Variants in WEE2 observed in about 807,000 individuals in gnomAD.
The protein encoded by WEE2 is wee1-like protein kinase 2.
In WEE2, 50 loss-of-function variants were observed where a neutral mutation model predicts 60.1. The ratio of observed to expected loss-of-function variants is 0.83; its 90% CI spans 0.66 to 1.05. The LOEUF (loss-of-function observed/expected upper bound fraction) is 1.05. Among genes scored for constraint, WEE2 ranks in the 50% least tolerant of loss-of-function variants. The pLI is 0.00. For synonymous variants in WEE2, 240 were observed against 241.0 expected, an observed-to-expected ratio of 1.00 and a Z score of 0.04; for missense variants, 631 against 684.3, an observed-to-expected ratio of 0.92 and a Z score of 0.87.
intron 10 of WEE2, among the ~76,000 whole-genome samples, chr7:141,728,757 G>A (rs1048220728): frequency 6.6e-6 from 1 of 152,332 alleles, no homozygotes; most frequent in South Asian, 2.1e-4. Flanking sequence ...TGAGCAGTGG[G>A]TGAGTGAGCA....
rs747166329 is a variant in WEE2 at position 141,711,423 on chromosome 7, G to A, written c.342+2323G>A. Among the ~76,000 whole-genome samples the A allele has an allele frequency of 5.3e-5, 8 of 152,294 alleles. No individual in the cohort carries two copies. The highest frequency in any genetic ancestry group is 9.6e-5 in the African/African-American group (4 of 41,568). The stretch of plus-strand genomic sequence containing the variant: ...CATACTTTATGAAAACACAGTTTGC[G>A]TTAGAGGAAAGAGGCTTGATGGCTG... On this transcript the variant is annotated intron_variant, in intron 1 of 11. Coordinates refer to ENST00000397541, the MANE Select transcript of WEE2 (RefSeq NM_001105558.1). The surrounding 1 kb of genome is among the most constrained non-coding windows in gnomAD (Gnocchi z 4.2).
At chr7:141,727,995 G>C (rs1393955389) in intron 10 of WEE2, 2 of 152,398 alleles carry the variant, frequency 1.3e-5, no homozygotes, top group African/African-American at 4.8e-5. Context: ...TACTTACCTG[G>C]CAGGGAAGAT....
In WEE2 at chr7:141,730,587, T is replaced by C; in HGVS notation, c.*267T>C. 1 of 364,056 alleles carries C rather than the reference T, an allele frequency of 2.7e-6. No homozygotes were observed. The highest frequency in any genetic ancestry group is 4.9e-6 in the Non-Finnish European group (1 of 204,472). 22.6% of individuals were successfully genotyped at this position (364,056 alleles called of 1,614,324 possible). A position where few individuals can be genotyped will look rare whatever the true frequency, so the allele number is the denominator to read the frequency against. On this transcript the variant is annotated 3_prime_UTR_variant, in exon 12 of 12. Coordinates refer to ENST00000397541, the MANE Select transcript of WEE2 (RefSeq NM_001105558.1). ...CCTTTCTGATATTGTATTTATTAAATAAATGGTTTCACCATTATGTGAGGT... is the reference window on the plus strand; with the variant it reads ...CCTTTCTGATATTGTATTTATTAAACAAATGGTTTCACCATTATGTGAGGT...
At chr7:141,730,022 C>G (rs998115642) in intron 11 of WEE2, among the ~76,000 whole-genome samples, 1 of 151,172 alleles carries the variant, frequency 6.6e-6, no homozygotes, top group Non-Finnish European at 1.5e-5. Flanking sequence ...TCATTCTGCA[C>G]CAGCCAACCT....
At chr7:141,718,994 G>GGA (rs1430197832) in intron 3 of WEE2, 78 bp from the exon 4 acceptor site, 1 of 1,413,462 alleles carries the variant, frequency 7.1e-7, no homozygotes, top group Non-Finnish European at 9.7e-7. Context: ...GAGCAACTTA[G>GGA]GACTGTAATA....
intron 3 of WEE2, among the ~76,000 whole-genome samples, chr7:141,717,799 T>C (rs1437247022): frequency 2.6e-5 from 4 of 151,876 alleles, no homozygotes; most frequent in Non-Finnish European, 5.9e-5. Flanking sequence ...GAGAACAGAG[T>C]TCAGGTGTAA....
Position 141,730,573 on chromosome 7 carries a change from T to C in WEE2, c.*253T>C. ...CTCCTAATGTATACCCTTTCTGATA[T>C]TGTATTTATTAAATAAATGGTTTCA... On this transcript the variant is annotated 3_prime_UTR_variant, in exon 12 of 12. Transcript: ENST00000397541. 1 of 392,304 alleles carries C rather than the reference T, an allele frequency of 2.5e-6. No individual in the cohort carries two copies. The highest frequency in any genetic ancestry group is 4.5e-6 in the Non-Finnish European group (1 of 221,902). The allele number at this position is 392,304 out of a possible 1,614,324, so 24.3% of individuals were successfully genotyped here. A position where few individuals can be genotyped will look rare whatever the true frequency, so the allele number is the denominator to read the frequency against.
chr7:141,729,613 G>A lies in WEE2; in HGVS notation c.1618G>A (p.Gly540Arg), dbSNP rs776778418. The A allele has an allele frequency of 1.4e-5, 23 of 1,614,002 alleles. No homozygotes were observed. Among genetic ancestry groups the A allele is most frequent in the Non-Finnish European group, 5.9e-6 (7 of 1,180,034 alleles). The change falls in exon 11 of 12, where the codon GGA becomes AGA. Residue 540 changes from glycine to arginine, a missense_variant. By Grantham distance (125) the Gly-to-Arg change is moderately radical. Transcript: ENST00000397541. ...GDTGVSGTHT[G>R]SRSTKRLVGG... ...CACTGGGGTCTCTGGGACCCACACA[G>A]GATCAAGAAGCACAAAACGCCTGGT... is the stretch of plus-strand genomic sequence containing the variant.
chr7:141,715,851 A>C lies in WEE2; in HGVS notation c.540-371A>C, dbSNP rs1010715874. Among the ~76,000 whole-genome samples the C allele has an allele frequency of 5.3e-4, 81 of 152,176 alleles. 1 individual carries two copies. Among genetic ancestry groups the C allele is most frequent in the African/African-American group, 2.0e-3 (81 of 41,418 alleles). ...TCTGTCTTGGTTTCCTAGTTTGGGG[A>C]TAAAGATACCCATTTAACAGTTGCA... On this transcript the variant is annotated intron_variant, in intron 2 of 11. Transcript: ENST00000397541.
intron 10 of WEE2, among the ~76,000 whole-genome samples, chr7:141,728,751 C>T (rs1191565000): frequency 1.3e-5 from 2 of 152,166 alleles, no homozygotes; most frequent in Non-Finnish European, 2.9e-5. Context: ...AGGAGGTGAG[C>T]AGTGGGTGAG....
rs1299936719 is a variant in WEE2, at chr7:141,714,232, T to C, written c.366T>C (p.Ile122=). 1 of 1,612,072 alleles carries C rather than the reference T, an allele frequency of 6.2e-7. No homozygotes were observed. Among genetic ancestry groups the C allele is most frequent in the South Asian group, 1.1e-5 (1 of 90,620 alleles). ...AGACCATGCTGAGCCGGTTGGTGATTTCTCCAACAGGGAAGCTTCCTTCCA... is the reference window on the plus strand; with the variant it reads ...AGACCATGCTGAGCCGGTTGGTGATCTCTCCAACAGGGAAGCTTCCTTCCA... ...TPKTMLSRLV[I]SPTGKLPSRG... The change falls in exon 2 of 12, where the codon ATT becomes ATC. Residue 122 remains isoleucine (I), a synonymous_variant. Coordinates refer to ENST00000397541, the MANE Select transcript of WEE2 (RefSeq NM_001105558.1).
Position 141,720,951 on chromosome 7 carries a change from G to A in WEE2, c.775G>A (p.Glu259Lys), listed in dbSNP as rs1464721564. Residue 259 changes from glutamate (E) to lysine (K), a missense_variant, in exon 5 of 12, where the codon GAA becomes AAA. Coordinates refer to ENST00000397541, the MANE Select transcript of WEE2 (RefSeq NM_001105558.1). ...ELSNENSALH[E>K]VYAHAVLGHH... Reference sequence around the variant, plus strand: ...GTCTCATAGGAATTCGGCTTTGCATGAAGTTTATGCTCACGCAGTGCTTGG... The same window carrying A: ...GTCTCATAGGAATTCGGCTTTGCATAAAGTTTATGCTCACGCAGTGCTTGG... 1 of 1,612,632 alleles carries A rather than the reference G, an allele frequency of 6.2e-7. No homozygotes were observed. The highest frequency in any genetic ancestry group is 8.5e-7 in the Non-Finnish European group (1 of 1,178,816).
At position 141,708,644 on chromosome 7, in the gene WEE2, G is replaced by A; in HGVS notation, c.-115G>A. The A allele has an allele frequency of 1.2e-6, 1 of 851,226 alleles. No homozygotes were observed. The highest frequency in any genetic ancestry group is 1.9e-6 in the Non-Finnish European group (1 of 537,812). 52.7% of individuals were successfully genotyped at this position (851,226 alleles called of 1,614,324 possible). ...CTGTTAGTTGGTAGAGGGAAATTCA[G>A]GCTACCGTCGCGAAACCTGCAGGTT... On this transcript the variant is annotated 5_prime_UTR_variant, in exon 1 of 12. Coordinates refer to ENST00000397541, the MANE Select transcript of WEE2 (RefSeq NM_001105558.1).
chr7:141,715,474 G>A (rs1165025215), intron 2 of WEE2, among the ~76,000 whole-genome samples: 1 of 152,098 alleles, frequency 6.6e-6, no homozygotes, highest in Admixed American at 6.5e-5. Flanking sequence ...CATGAATGTA[G>A]TGCCTTCCAT....
chr7:141,727,590 G>C (rs1799041824), intron 10 of WEE2, 144 bp downstream of exon 10: 10 of 1,013,370 alleles, frequency 9.9e-6, no homozygotes, highest in Non-Finnish European at 1.4e-5. Context: ...CAAGGAAACT[G>C]GCAGCATGCG....
At chr7:141,729,360 C>T (rs1799082272) in intron 10 of WEE2, among the ~76,000 whole-genome samples, 171 bp from the exon 11 acceptor site, 1 of 152,212 alleles carries the variant, frequency 6.6e-6, no homozygotes, top group African/African-American at 2.4e-5. Flanking sequence ...TGTGTGTCAA[C>T]CATTTTTTAT....
At chr7:141,721,571 G>A (rs1798911752) in intron 5 of WEE2, among the ~76,000 whole-genome samples, 1 of 151,950 alleles carries the variant, frequency 6.6e-6, no homozygotes, top group Non-Finnish European at 1.5e-5. Flanking sequence ...CAATTCTCCT[G>A]CCTCAGTCTC....
chr7:141,709,497 T>TTTC (rs964923389), intron 1 of WEE2, among the ~76,000 whole-genome samples: 4 of 152,228 alleles, frequency 2.6e-5, no homozygotes, highest in African/African-American at 9.6e-5. Context: ...CAGACAGGAC[T>TTTC]AGAAACCTGA....
chr7:141,723,802 C>CAA lies in WEE2; in HGVS notation c.1028-130_1028-129dup, dbSNP rs139519521. The CAA allele has an allele frequency of 7.8e-3, 3,895 of 497,664 alleles. 4 individuals carry two copies. Among genetic ancestry groups the CAA allele is most frequent in the Non-Finnish European group, 0.011 (3,265 of 288,848 alleles). The allele number at this position is 497,664 out of a possible 1,614,324, so 30.8% of individuals were successfully genotyped here. On this transcript the variant is annotated intron_variant, in intron 6 of 11. Transcript: ENST00000397541. ...TTCAGAAGCGATGTGAGATTTCATACAAAAAAAAAACCTTAGTAGTCTATG... is the reference window on the plus strand; with the variant it reads ...TTCAGAAGCGATGTGAGATTTCATACAAAAAAAAAAAACCTTAGTAGTCTATG...
Sources: allele counts gnomAD v4.1 joint callset (sites outside exome capture counted in the v4.1 genomes callset), GRCh38; gene constraint gnomAD v4.1.1; non-coding constraint Gnocchi (gnomAD v3.1); transcripts MANE v1.5; gene names NCBI Gene and HGNC (gene_info 2026-07-23, HGNC 2026-07-21).